The following SENP7 variants were observed in gnomAD, a reference collection of about 807,000 sequenced individuals.
SENP7 encodes sentrin-specific protease 7.
In SENP7, 64 loss-of-function variants were observed where a neutral mutation model predicts 141.2. The ratio of observed to expected loss-of-function variants is 0.45; its 90% CI spans 0.37 to 0.56. The LOEUF (loss-of-function observed/expected upper bound fraction) is 0.56. Among genes scored for constraint, SENP7 ranks in the 20% least tolerant of loss-of-function variants. SENP7 has a pLI of 0.00. For synonymous variants in SENP7, 382 were observed against 426.4 expected (o/e 0.90, Z 1.28); for missense variants, 1,025 against 1,212.2 (o/e 0.85, Z 2.29).
At chr3:101,423,379 GATA>G (rs2061847893) in intron 4 of SENP7, among the ~76,000 whole-genome samples, 1 of 152,182 alleles carries the variant, frequency 6.6e-6, no homozygotes, top group African/African-American at 2.4e-5. Context: ...TAGAAAGGGT[GATA>G]ATAAAGAAGA....
intron 4 of SENP7, among the ~76,000 whole-genome samples, chr3:101,430,321 CT>C (rs1299028573): frequency 6.6e-6 from 1 of 152,060 alleles, no homozygotes; most frequent in African/African-American, 2.4e-5. Flanking sequence ...TGGTTCTAGA[CT>C]TTTTTTGGTT....
chr3:101,453,965 G>C (rs1244255090), intron 4 of SENP7, among the ~76,000 whole-genome samples: 15 of 151,652 alleles, frequency 9.9e-5, no homozygotes, highest in Non-Finnish European at 2.9e-5. Flanking sequence ...ACCACAATGA[G>C]ATACCACTTC....
rs972201424 is a variant in SENP7 at position 101,355,462 on chromosome 3, T to C, written c.1624-3811A>G. Among the ~76,000 whole-genome samples, 18 of 152,304 alleles carry C rather than the reference T, an allele frequency of 1.2e-4. No homozygotes were observed. The East Asian group carries it at 3.1e-3, about 26-fold the overall frequency. The stretch of plus-strand genomic sequence containing the variant: ...AGTTATCTTAGCACCGTTTATTGAA[T>C]AGTGAGTGCTTTCCCCATTGCTTGT... On this transcript the variant is annotated intron_variant, in intron 11 of 23. Coordinates refer to ENST00000394095, the MANE Select transcript of SENP7 (RefSeq NM_020654.5).
intron 5 of SENP7, among the ~76,000 whole-genome samples, chr3:101,411,971 TTC>T: frequency 6.6e-6 from 1 of 152,302 alleles, no homozygotes; most frequent in Non-Finnish European, 1.5e-5. Context: ...TGCATGATTA[TTC>T]TCTCTGACTC....
intron 3 of SENP7, among the ~76,000 whole-genome samples, chr3:101,466,765 T>C (rs557789448): frequency 3.3e-5 from 5 of 152,230 alleles, no homozygotes; most frequent in Admixed American, 6.5e-5. Flanking sequence ...CCCAGCATGA[T>C]TGACGCAGAA....
At chr3:101,397,315 C>T (rs972318155) in intron 6 of SENP7, among the ~76,000 whole-genome samples, 2 of 151,920 alleles carry the variant, frequency 1.3e-5, no homozygotes, top group African/African-American at 4.8e-5. Context: ...TCATTTTTAG[C>T]AGAAACAAGA....
At chr3:101,371,610 T>C (rs918386520) in intron 7 of SENP7, among the ~76,000 whole-genome samples, 1 of 152,080 alleles carries the variant, frequency 6.6e-6, no homozygotes, top group Non-Finnish European at 1.5e-5. Flanking sequence ...CCTCCTGAAG[T>C]TGAGAGAAAT....
chr3:101,350,958 C>G (rs2059597152), intron 12 of SENP7, among the ~76,000 whole-genome samples: 1 of 151,972 alleles, frequency 6.6e-6, no homozygotes. Context: ...TGGAATCCAA[C>G]TAAATCCAAC....
intron 11 of SENP7, among the ~76,000 whole-genome samples, chr3:101,355,224 A>T (rs2059709826): frequency 6.6e-6 from 1 of 152,070 alleles, no homozygotes; most frequent in African/African-American, 2.4e-5. Context: ...GTTTAACTAG[A>T]TCCATTTGTC....
At chr3:101,342,745 A>C (rs1237691426) in intron 14 of SENP7, among the ~76,000 whole-genome samples, 1 of 151,578 alleles carries the variant, frequency 6.6e-6, no homozygotes, top group African/African-American at 2.4e-5. Flanking sequence ...CGATCACTGC[A>C]ATCTCCACCT....
At chr3:101,359,581 G>A (rs146487411) in intron 11 of SENP7, among the ~76,000 whole-genome samples, 14 of 151,712 alleles carry the variant, frequency 9.2e-5, no homozygotes, top group Admixed American at 8.5e-4. Flanking sequence ...CCTACTGTTT[G>A]TAATAGTAAA....
intron 4 of SENP7, among the ~76,000 whole-genome samples, chr3:101,434,421 TAAAG>T (rs1047420625): frequency 6.1e-5 from 9 of 147,428 alleles, no homozygotes; most frequent in African/African-American, 1.2e-4. Context: ...AGAGAAAAAA[TAAAG>T]AGAGAAAAAA....
At chr3:101,422,642 C>G (rs957658674) in intron 4 of SENP7, among the ~76,000 whole-genome samples, 3 of 152,102 alleles carry the variant, frequency 2.0e-5, no homozygotes, top group Non-Finnish European at 4.4e-5. Context: ...CCTTTGAAAG[C>G]TCCAAACCAT....
At chr3:101,355,482 G>C (rs898687707) in intron 11 of SENP7, among the ~76,000 whole-genome samples, 1 of 152,082 alleles carries the variant, frequency 6.6e-6, no homozygotes, top group African/African-American at 2.4e-5. Context: ...TTTCCCCATT[G>C]CTTGTTTTTG....
chr3:101,453,182 G>T (rs1445814895), intron 4 of SENP7, among the ~76,000 whole-genome samples: 1 of 152,202 alleles, frequency 6.6e-6, no homozygotes, highest in East Asian at 1.9e-4. Context: ...TCTCACACCA[G>T]TTAGAATGGC....
At chr3:101,508,449 A>G (rs113873465) in intron 1 of SENP7, among the ~76,000 whole-genome samples, 2 of 151,990 alleles carry the variant, frequency 1.3e-5, no homozygotes, top group African/African-American at 4.8e-5. Context: ...ACAAAAAAAA[A>G]TTAGCCAGGC....
At chr3:101,454,328 A>G (rs560311907) in intron 4 of SENP7, among the ~76,000 whole-genome samples, 4 of 152,292 alleles carry the variant, frequency 2.6e-5, no homozygotes, top group East Asian at 3.9e-4. Context: ...CCTGGGCAAC[A>G]TAACAAAACC....
At chr3:101,493,457 A>G (rs1176672133) in intron 3 of SENP7, among the ~76,000 whole-genome samples, 1 of 152,224 alleles carries the variant, frequency 6.6e-6, no homozygotes, top group African/African-American at 2.4e-5. Flanking sequence ...TCTGATTATA[A>G]TGCTTAAAAA....
At chr3:101,378,139 C>T (rs747514445) in intron 6 of SENP7, among the ~76,000 whole-genome samples, 14 of 150,422 alleles carry the variant, frequency 9.3e-5, no homozygotes, top group Non-Finnish European at 1.9e-4. Context: ...TTATCTAGTA[C>T]GTCATGTCCA....
Sources: allele counts gnomAD v4.1 joint callset (sites outside exome capture counted in the v4.1 genomes callset), GRCh38; gene constraint gnomAD v4.1.1; transcripts MANE v1.5; gene names NCBI Gene and HGNC (gene_info 2026-07-23, HGNC 2026-07-21).